PLEKHA1: variants seen among roughly 807,000 people sequenced by gnomAD.
The protein encoded by PLEKHA1 is pleckstrin homology domain-containing family A member 1.
Under a neutral mutation model 52.0 loss-of-function variants are expected in PLEKHA1, and 34 were observed. The ratio of observed to expected loss-of-function variants is 0.65; its 90% CI spans 0.50 to 0.87. The LOEUF (loss-of-function observed/expected upper bound fraction) is 0.87. Ranked by LOEUF, PLEKHA1 falls within the 40% of genes least tolerant of loss-of-function variation. The pLI is 0.00. For synonymous variants in PLEKHA1, 163 were observed against 170.7 expected (o/e 0.95, Z 0.35); for missense variants, 497 against 504.2 (o/e 0.99, Z 0.14).
the PLEKHA1 span, chr10:122,440,472 T>C: frequency 9.6e-4 from 146 of 152,258 alleles, 1 homozygote; most frequent in African/African-American, 3.2e-3. Flanking sequence ...TCCTAATAAT[T>C]GTTGCCTGTT....
At chr10:122,417,996 A>T in intron 8 of PLEKHA1, 28 bp downstream of exon 8, 1 of 1,563,652 alleles carries the variant, frequency 6.4e-7, no homozygotes, top group Non-Finnish European at 8.8e-7. Flanking sequence ...AAATGTTGCT[A>T]TAAGAATGTT....
At chr10:122,409,268 A>C (rs2097070853) in intron 5 of PLEKHA1, among the ~76,000 whole-genome samples, 1 of 152,212 alleles carries the variant, frequency 6.6e-6, no homozygotes, top group South Asian at 2.1e-4. Context: ...CCCACTTGTA[A>C]AGTTGAAAAA....
At chr10:122,383,111 A>C (rs2133714310) in intron 1 of PLEKHA1, among the ~76,000 whole-genome samples, 1 of 152,192 alleles carries the variant, frequency 6.6e-6, no homozygotes, top group Admixed American at 6.5e-5. Context: ...GATTTAAAAA[A>C]CTTTTCTATT....
intron 2 of PLEKHA1, among the ~76,000 whole-genome samples, chr10:122,395,002 C>T (rs1406821943): frequency 2.0e-5 from 3 of 152,158 alleles, no homozygotes; most frequent in Non-Finnish European, 2.9e-5. Flanking sequence ...AGTTACACAG[C>T]TAGTAGAAGG....
At chr10:122,381,559 G>A (rs1372613281) in intron 1 of PLEKHA1, among the ~76,000 whole-genome samples, 3 of 152,004 alleles carry the variant, frequency 2.0e-5, no homozygotes, top group African/African-American at 4.8e-5. Context: ...CTCCCTCTTT[G>A]CCTTCCACCA....
At chr10:122,409,775 C>A (rs949814473) in intron 5 of PLEKHA1, among the ~76,000 whole-genome samples, 2 of 149,328 alleles carry the variant, frequency 1.3e-5, no homozygotes, top group African/African-American at 4.9e-5. Flanking sequence ...TTCATTCTTT[C>A]TTTTTATCCT....
chr10:122,416,412 C>T (rs538852979), intron 7 of PLEKHA1, among the ~76,000 whole-genome samples: 16 of 152,272 alleles, frequency 1.1e-4, no homozygotes, highest in Admixed American at 5.9e-4. Flanking sequence ...GCCTGACCTC[C>T]GTGGTAAGCT....
At chr10:122,394,653 T>C (rs17103488) in intron 2 of PLEKHA1, among the ~76,000 whole-genome samples, 17,520 of 152,174 alleles carry the variant, frequency 0.12, 1,463 homozygotes, top group East Asian at 0.36. Context: ...AGACAAGATA[T>C]ATATGTGTCT....
At chr10:122,385,311 CT>C (rs1196217497) in intron 1 of PLEKHA1, among the ~76,000 whole-genome samples, 12,896 of 96,618 alleles carry the variant, frequency 0.13, 286 homozygotes, top group African/African-American at 0.27. Context: ...TTGTGTCTGG[CT>C]TTTTTTTTTT....
Position 122,393,184 on chromosome 10 carries a change from A to C in PLEKHA1, c.-17A>C. 1.2e-6 allele frequency: 2 copies of C among 1,602,270 alleles called. No individual in the cohort carries two copies. The highest frequency in any genetic ancestry group is 1.7e-6 in the Non-Finnish European group (2 of 1,175,020). ...TGTTAATATTTTTATTTTACAGTGT[A>C]ATGTTCAAGCTCAGAAATGCCTTAT... On this transcript the variant is annotated 5_prime_UTR_variant, in exon 2 of 12. Coordinates refer to ENST00000368990, the MANE Select transcript of PLEKHA1 (RefSeq NM_001001974.4). This position sits in a 1 kb window ranked among gnomAD's most constrained non-coding sequence, Gnocchi z 4.5.
chr10:122,435,566 A>G (rs2097434837), downstream of PLEKHA1: 1 of 152,246 alleles, frequency 6.6e-6, no homozygotes, highest in African/African-American at 2.4e-5. Context: ...TAACATTTAC[A>G]AATTATAAAT....
intron 4 of PLEKHA1, among the ~76,000 whole-genome samples, chr10:122,400,800 T>C (rs543055399): frequency 1.4e-4 from 21 of 152,310 alleles, no homozygotes; most frequent in Non-Finnish European, 2.5e-4. Context: ...GGGTATTGGA[T>C]TAACTTACCC....
intron 11 of PLEKHA1, chr10:122,428,479 C>T: frequency 7.8e-7 from 1 of 1,287,946 alleles, no homozygotes; most frequent in Non-Finnish European, 9.9e-7. Flanking sequence ...AATACTAACG[C>T]AAACTGTTTC....
intron 11 of PLEKHA1, among the ~76,000 whole-genome samples, chr10:122,427,920 G>C (rs943569244): frequency 2.0e-5 from 3 of 151,958 alleles, no homozygotes; most frequent in African/African-American, 7.3e-5. Flanking sequence ...CCTTTTATTA[G>C]TTTTCTGGTA....
chr10:122,429,528 GTGTTTTA>G, intron 11 of PLEKHA1, 89 bp from the exon 12 acceptor site: 5 of 802,714 alleles, frequency 6.2e-6, no homozygotes, highest in South Asian at 3.5e-5. Context: ...GTGTGTGTGT[GTGTTTTA>G]TTTGTTTTTC....
At chr10:122,378,514 T>C (rs1405439757) in intron 1 of PLEKHA1, among the ~76,000 whole-genome samples, 1 of 151,730 alleles carries the variant, frequency 6.6e-6, no homozygotes, top group Non-Finnish European at 1.5e-5. Context: ...GGTGGGAGGA[T>C]AGCTTGAGCC....
At chr10:122,398,619 GTGCA>G (rs2096884241) in intron 3 of PLEKHA1, among the ~76,000 whole-genome samples, 1 of 151,596 alleles carries the variant, frequency 6.6e-6, no homozygotes, top group East Asian at 1.9e-4. Flanking sequence ...GTGTGTGTGT[GTGCA>G]TGTGTGTTAC....
At chr10:122,377,551 C>T (rs1565095839) in intron 1 of PLEKHA1, among the ~76,000 whole-genome samples, 2 of 152,126 alleles carry the variant, frequency 1.3e-5, no homozygotes, top group Non-Finnish European at 2.9e-5. Flanking sequence ...GGAATGCTTT[C>T]AGAAAGGGCA....
chr10:122,398,862 CAAAAA>C (rs1274689314), intron 3 of PLEKHA1, among the ~76,000 whole-genome samples: 3 of 151,618 alleles, frequency 2.0e-5, no homozygotes, highest in Non-Finnish European at 4.4e-5. Flanking sequence ...TCTCATTGAC[CAAAAA>C]GAAAAGAAAA....
Sources: gnomAD v4.1 joint callset for allele counts (sites outside exome capture counted in the v4.1 genomes callset) on GRCh38, gnomAD v4.1.1 for gene constraint, Gnocchi (gnomAD v3.1) non-coding constraint, MANE v1.5 for transcripts, NCBI Gene and HGNC (gene_info 2026-07-23, HGNC 2026-07-21) for gene names.